The following CACNA2D3 variants were observed in gnomAD, a reference collection of about 807,000 sequenced individuals.
CACNA2D3 encodes calcium voltage-gated channel auxiliary subunit alpha2delta 3.
Under a neutral mutation model 160.6 loss-of-function variants are expected in CACNA2D3, and 60 were observed. The ratio of observed to expected loss-of-function variants is 0.37; its 90% CI spans 0.30 to 0.46. CACNA2D3 has a LOEUF of 0.46. Ranked by LOEUF, CACNA2D3 falls within the 20% of genes least tolerant of loss-of-function variation. The pLI is 1.00. For synonymous variants in CACNA2D3, 558 were observed against 492.9 expected, an observed-to-expected ratio of 1.13 and a Z score of -1.75; for missense variants, 1,205 against 1,365.0, an observed-to-expected ratio of 0.88 and a Z score of 1.85.
intron 11 of CACNA2D3, among the ~76,000 whole-genome samples, chr3:54,651,842 G>T (rs1446243356): frequency 6.6e-6 from 1 of 152,114 alleles, no homozygotes; most frequent in Non-Finnish European, 1.5e-5. Context: ...AGTTCTGTGG[G>T]GCATGTGCCA....
At chr3:54,756,194 T>A (rs1286245421) in intron 12 of CACNA2D3, among the ~76,000 whole-genome samples, 1 of 152,176 alleles carries the variant, frequency 6.6e-6, no homozygotes, top group African/African-American at 2.4e-5. Context: ...TCCCTTCCTG[T>A]CTACATCCAG....
chr3:54,254,471 C>T (rs1387534751), intron 2 of CACNA2D3, among the ~76,000 whole-genome samples: 6 of 152,182 alleles, frequency 3.9e-5, no homozygotes, highest in Non-Finnish European at 8.8e-5. Context: ...CAAATGCAAT[C>T]TTCCAGTAGC....
chr3:54,814,935 C>G (rs1348258297), intron 13 of CACNA2D3, among the ~76,000 whole-genome samples: 1 of 152,154 alleles, frequency 6.6e-6, no homozygotes, highest in Admixed American at 6.5e-5. Flanking sequence ...ACTCATGGCC[C>G]CTTGCTTTCA....
chr3:54,549,568 A>G (rs1196826443), intron 5 of CACNA2D3, among the ~76,000 whole-genome samples: 1 of 152,200 alleles, frequency 6.6e-6, no homozygotes, highest in South Asian at 2.1e-4. Flanking sequence ...GGCCCACGGA[A>G]GCCGTGACTG....
At chr3:54,922,565 G>C (rs1049149082) in intron 27 of CACNA2D3, among the ~76,000 whole-genome samples, 2 of 152,030 alleles carry the variant, frequency 1.3e-5, no homozygotes, top group African/African-American at 4.8e-5. Flanking sequence ...TTGTTGAGAA[G>C]GATTTATTCA....
chr3:54,235,012 A>G (rs1701847482), intron 2 of CACNA2D3, among the ~76,000 whole-genome samples: 4 of 152,112 alleles, frequency 2.6e-5, no homozygotes, highest in Admixed American at 2.6e-4. Context: ...AACCTAAAAT[A>G]AAAGTTAAAA....
At chr3:54,192,538 G>A (rs902895801) in intron 2 of CACNA2D3, among the ~76,000 whole-genome samples, 6 of 152,196 alleles carry the variant, frequency 3.9e-5, no homozygotes, top group African/African-American at 1.4e-4. Flanking sequence ...AGTACATGCT[G>A]TAGAGCATTG....
At chr3:54,617,285 G>T (rs73844118) in intron 9 of CACNA2D3, among the ~76,000 whole-genome samples, 3,399 of 152,178 alleles carry the variant, frequency 0.022, 132 homozygotes, top group African/African-American at 0.078. Context: ...CTTGTAAGTC[G>T]ACTGTTCTTA....
At chr3:54,989,113 G>A (rs951518417) in intron 31 of CACNA2D3, among the ~76,000 whole-genome samples, 1 of 152,224 alleles carries the variant, frequency 6.6e-6, no homozygotes, top group East Asian at 1.9e-4. Flanking sequence ...TTATGTGGAT[G>A]TGTGCATTTG....
intron 13 of CACNA2D3, 34 bp downstream of exon 13, chr3:54,764,385 C>CT (rs761669483): frequency 1.2e-6 from 2 of 1,608,278 alleles, no homozygotes; most frequent in African/African-American, 2.7e-5. Context: ...AGAGGCTAAG[C>CT]TTTACCCCCA....
chr3:54,391,538 T>C (rs1423443446), intron 4 of CACNA2D3, among the ~76,000 whole-genome samples: 1 of 148,948 alleles, frequency 6.7e-6, no homozygotes, highest in Non-Finnish European at 1.5e-5. Context: ...TGAGACAGAG[T>C]CTTGATCTGT....
At chr3:54,737,182 A>ATG (rs4025817) in intron 11 of CACNA2D3, among the ~76,000 whole-genome samples, 2,822 of 147,534 alleles carry the variant, frequency 0.019, 35 homozygotes, top group Middle Eastern at 0.048. Context: ...CCATGTGTAT[A>ATG]TGTGTGTGTG....
intron 11 of CACNA2D3, among the ~76,000 whole-genome samples, chr3:54,736,007 G>A (rs181164527): frequency 0.023 from 2,110 of 90,008 alleles, 164 homozygotes; most frequent in Non-Finnish European, 0.032. Context: ...ATATATATAT[G>A]TATATATATA....
Position 54,149,920 on chromosome 3 carries a change from T to TCC in CACNA2D3, c.204+26327_204+26328insCC, listed in dbSNP as rs1230220200. Among the ~76,000 whole-genome samples the TCC allele has an allele frequency of 3.9e-4, 30 of 77,250 alleles. 1 individual carries two copies. The highest frequency in any genetic ancestry group is 1.1e-3 in the South Asian group (2 of 1,748). The allele number at this position is 77,250 out of a possible 152,430, so 50.7% of individuals were successfully genotyped here. On this transcript the variant is annotated intron_variant, in intron 2 of 37. Coordinates refer to ENST00000474759, the MANE Select transcript of CACNA2D3 (RefSeq NM_018398.3). ...CTCTCTCTCTCTCTCTCTCTCTCTC[T>TCC]CTCTCTCTCTCCCTCCCTCCCTCCC... is the stretch of plus-strand genomic sequence containing the variant.
chr3:54,348,211 A>G (rs1394954116), intron 3 of CACNA2D3, among the ~76,000 whole-genome samples: 1 of 152,132 alleles, frequency 6.6e-6, no homozygotes, highest in Non-Finnish European at 1.5e-5. Flanking sequence ...CTGCCCTTTG[A>G]ATGGATTCAA....
chr3:54,721,491 T>C (rs1039192981), intron 11 of CACNA2D3, among the ~76,000 whole-genome samples: 12 of 152,166 alleles, frequency 7.9e-5, no homozygotes, highest in Admixed American at 6.5e-4. Flanking sequence ...CTGGGCACGG[T>C]GGCTCACACC....
At chr3:54,226,052 T>G (rs1701664862) in intron 2 of CACNA2D3, among the ~76,000 whole-genome samples, 1 of 152,134 alleles carries the variant, frequency 6.6e-6, no homozygotes, top group Non-Finnish European at 1.5e-5. Flanking sequence ...TCTTCAGTAG[T>G]CCAGACTGAA....
intron 2 of CACNA2D3, among the ~76,000 whole-genome samples, chr3:54,254,467 C>T (rs1167258309): frequency 6.6e-6 from 1 of 152,176 alleles, no homozygotes; most frequent in East Asian, 1.9e-4. Context: ...CCACCAAATG[C>T]AATCTTCCAG....
chr3:54,174,354 C>A (rs2107315086), intron 2 of CACNA2D3, among the ~76,000 whole-genome samples: 1 of 152,260 alleles, frequency 6.6e-6, no homozygotes, highest in Admixed American at 6.5e-5. Flanking sequence ...AAAGAAGATG[C>A]CTTTGCTAGG....
Sources: gnomAD v4.1 joint callset for allele counts (sites outside exome capture counted in the v4.1 genomes callset) on GRCh38, gnomAD v4.1.1 for gene constraint, MANE v1.5 for transcripts, NCBI Gene and HGNC (gene_info 2026-07-23, HGNC 2026-07-21) for gene names.